The following SBF2 variants were observed in gnomAD, a reference collection of about 807,000 sequenced individuals.
The protein encoded by SBF2 is myotubularin-related protein 13.
In SBF2, 112 loss-of-function variants were observed where a neutral mutation model predicts 225.2. That is an observed-to-expected ratio of 0.50 (90% CI 0.43 to 0.58). The LOEUF (loss-of-function observed/expected upper bound fraction) is 0.58. Among genes scored for constraint, SBF2 ranks in the 20% least tolerant of loss-of-function variants. SBF2 has a pLI of 0.00. For missense variants in SBF2, 1,996 were observed against 2,206.2 expected (o/e 0.90, Z 1.91); for synonymous variants, 763 against 773.3 (o/e 0.99, Z 0.22).
At chr11:9,821,422 GA>G (rs1421502400) in intron 28 of SBF2, among the ~76,000 whole-genome samples, 1 of 152,182 alleles carries the variant, frequency 6.6e-6, no homozygotes, top group Non-Finnish European at 1.5e-5. Flanking sequence ...CCAATTAGTA[GA>G]AAATCCGCAA....
Position 9,782,305 on chromosome 11 carries a change from A to G in SBF2, c.5320-667T>C, listed in dbSNP as rs114671590. On this transcript the variant is annotated intron_variant, in intron 38 of 39. Transcript: ENST00000256190. ...TTGATAAGAAAAAGATAAAGTAGAA[A>G]AATGCTCAAAATATCTCAACAGGCG... is the stretch of plus-strand genomic sequence containing the variant. 4.4e-3 allele frequency among the ~76,000 whole-genome samples: 669 copies of G among 152,342 alleles called. 3 individuals are homozygous for G. Among genetic ancestry groups the G allele is most frequent in the African/African-American group, 0.015 (633 of 41,582 alleles).
At chr11:10,111,161 T>C (rs1260321618) in intron 2 of SBF2, among the ~76,000 whole-genome samples, 1 of 152,206 alleles carries the variant, frequency 6.6e-6, no homozygotes, top group Non-Finnish European at 1.5e-5. Context: ...AATGAATATT[T>C]TAAATTTAGT....
At chr11:10,171,665 G>A (rs910908725) in intron 2 of SBF2, among the ~76,000 whole-genome samples, 1 of 152,116 alleles carries the variant, frequency 6.6e-6, no homozygotes, top group African/African-American at 2.4e-5. Flanking sequence ...ATAAGGTTTG[G>A]AAGTATTCCC....
chr11:10,024,337 T>TAAAAAAA (rs10693088), intron 6 of SBF2, among the ~76,000 whole-genome samples: 5 of 151,526 alleles, frequency 3.3e-5, no homozygotes, highest in Non-Finnish European at 7.4e-5. Context: ...TTTTTAAACT[T>TAAAAAAA]AAAATAGTCA....
chr11:9,971,543 G>A (rs959546931), intron 13 of SBF2, among the ~76,000 whole-genome samples: 3 of 152,066 alleles, frequency 2.0e-5, no homozygotes, highest in African/African-American at 7.2e-5. Context: ...GCCAGGCATG[G>A]TGGTGCCTGC....
rs1358796768 is a variant in SBF2, at chr11:10,001,675, C to T, written c.753-653G>A. Among the ~76,000 whole-genome samples the T allele has an allele frequency of 2.6e-5, 4 of 152,080 alleles. No individual in the cohort carries two copies. The East Asian group carries it at 7.7e-4, about 29-fold the overall frequency. On this transcript the variant is annotated intron_variant, in intron 7 of 39. Transcript: ENST00000256190. ...CAGTAGCTGGGACTACAGGCGCCTGCCACCATGCCCGGCTAGCTTTTTCTA... is the reference window on the plus strand; with the variant it reads ...CAGTAGCTGGGACTACAGGCGCCTGTCACCATGCCCGGCTAGCTTTTTCTA...
chr11:9,817,197 A>C (rs925707267), intron 28 of SBF2, among the ~76,000 whole-genome samples, 173 bp from the exon 29 acceptor site: 1 of 152,218 alleles, frequency 6.6e-6, no homozygotes, highest in Admixed American at 6.5e-5. Context: ...ACATTATCCA[A>C]TATAGCATTT....
chr11:10,227,370 GGT>G (rs1395298710), intron 1 of SBF2, among the ~76,000 whole-genome samples: 1 of 152,054 alleles, frequency 6.6e-6, no homozygotes, highest in Non-Finnish European at 1.5e-5. Flanking sequence ...CATTGCTTTT[GGT>G]GTTTTAGACA....
chr11:10,161,898 G>T (rs61889955), intron 2 of SBF2, among the ~76,000 whole-genome samples: 43,532 of 151,744 alleles, frequency 0.29, 6,371 homozygotes, highest in Middle Eastern at 0.36. Context: ...AGCAGCAAGA[G>T]TGCTTGAGCC....
chr11:10,170,109 T>C (rs1591119513), intron 2 of SBF2, among the ~76,000 whole-genome samples: 2 of 152,152 alleles, frequency 1.3e-5, no homozygotes, highest in African/African-American at 4.8e-5. Flanking sequence ...GATTGTTTCC[T>C]TTGCTGTACA....
At chr11:9,902,065 C>CA (rs1264730540) in intron 16 of SBF2, among the ~76,000 whole-genome samples, 1 of 152,204 alleles carries the variant, frequency 6.6e-6, no homozygotes, top group African/African-American at 2.4e-5. Context: ...AATGGCCCTG[C>CA]AAAGTCATCT....
chr11:10,196,785 C>A (rs576215592), intron 1 of SBF2, among the ~76,000 whole-genome samples: 2 of 145,992 alleles, frequency 1.4e-5, no homozygotes, highest in African/African-American at 5.0e-5. Flanking sequence ...CACCTGGAGA[C>A]AATTATTATT....
At chr11:10,287,101 T>C (rs1963846532) in intron 1 of SBF2, among the ~76,000 whole-genome samples, 1 of 152,202 alleles carries the variant, frequency 6.6e-6, no homozygotes. Context: ...CTCAACTGTA[T>C]GATCCTAAGT....
chr11:10,160,601 T>C (rs1335197281), intron 2 of SBF2, among the ~76,000 whole-genome samples: 3 of 152,264 alleles, frequency 2.0e-5, no homozygotes, highest in Non-Finnish European at 2.9e-5. Flanking sequence ...TTTTTCTTTA[T>C]ACACCTTTCT....
At chr11:10,073,896 T>C (rs906362418) in intron 2 of SBF2, among the ~76,000 whole-genome samples, 1 of 152,174 alleles carries the variant, frequency 6.6e-6, no homozygotes, top group African/African-American at 2.4e-5. Context: ...GTGATATTAT[T>C]ACTTATGTTT....
intron 12 of SBF2, among the ~76,000 whole-genome samples, chr11:9,991,955 A>T (rs1200338398): frequency 6.6e-6 from 1 of 152,186 alleles, no homozygotes; most frequent in Non-Finnish European, 1.5e-5. Flanking sequence ...AAACACTGAC[A>T]AAAGAATTAC....
intron 3 of SBF2, 93 bp from the exon 4 acceptor site, chr11:10,031,263 CAAATTCAAAATT>C: frequency 8.5e-7 from 1 of 1,180,612 alleles, no homozygotes; most frequent in Non-Finnish European, 1.2e-6. Flanking sequence ...ATAACTTATG[CAAATTCAAAATT>C]AATTATAATA....
chr11:10,244,573 C>T (rs1959578203), intron 1 of SBF2, among the ~76,000 whole-genome samples: 2 of 152,108 alleles, frequency 1.3e-5, no homozygotes. Context: ...GTTGTTCTTG[C>T]TCAAAACTGC....
chr11:10,283,257 CA>C (rs1283815701), intron 1 of SBF2, among the ~76,000 whole-genome samples: 4 of 152,098 alleles, frequency 2.6e-5, no homozygotes, highest in Non-Finnish European at 5.9e-5. Context: ...AAATAACTGT[CA>C]AATCAGTGAA....
Sources: gnomAD v4.1 joint callset for allele counts (sites outside exome capture counted in the v4.1 genomes callset) on GRCh38, gnomAD v4.1.1 for gene constraint, MANE v1.5 for transcripts, NCBI Gene and HGNC (gene_info 2026-07-23, HGNC 2026-07-21) for gene names.